The following CHCHD3 variants were observed in gnomAD, a reference collection of about 807,000 sequenced individuals.
The protein encoded by CHCHD3 is MICOS complex subunit MIC19.
A neutral mutation model predicts 38.2 loss-of-function variants in CHCHD3; 20 were observed. That is an observed-to-expected ratio of 0.52 (90% CI 0.37 to 0.76). The LOEUF (loss-of-function observed/expected upper bound fraction) is 0.76, where lower values mean the gene tolerates loss of function less well. Among genes scored for constraint, CHCHD3 ranks in the 30% least tolerant of loss-of-function variants. CHCHD3 has a pLI of 0.00. For synonymous variants in CHCHD3, 82 were observed against 100.0 expected (o/e 0.82, Z 1.07); for missense variants, 245 against 279.2 (o/e 0.88, Z 0.87).
At chr7:133,072,675 TA>T (rs1454118822) in intron 1 of CHCHD3, among the ~76,000 whole-genome samples, 24 of 151,788 alleles carry the variant, frequency 1.6e-4, no homozygotes, top group Non-Finnish European at 2.8e-4. Context: ...CCATCTCTAC[TA>T]AAAATACAAA....
intron 4 of CHCHD3, among the ~76,000 whole-genome samples, chr7:132,917,716 G>A (rs1395290819): frequency 1.3e-5 from 2 of 151,888 alleles, no homozygotes; most frequent in Non-Finnish European, 1.5e-5. Flanking sequence ...AAAATTAGCC[G>A]GGTGTGTTGG....
intron 2 of CHCHD3, among the ~76,000 whole-genome samples, chr7:133,059,370 C>A (rs1418062367): frequency 6.6e-6 from 1 of 152,096 alleles, no homozygotes; most frequent in African/African-American, 2.4e-5. Flanking sequence ...GCCTAAAATT[C>A]CAGGGGACAA....
At chr7:132,996,858 A>G (rs1324243911) in intron 3 of CHCHD3, among the ~76,000 whole-genome samples, 5 of 152,248 alleles carry the variant, frequency 3.3e-5, no homozygotes, top group Non-Finnish European at 7.3e-5. Context: ...AGGGACTGCA[A>G]GATTAACTAT....
In CHCHD3 at chr7:132,931,232, AATT is replaced by A. The variant is rs527577149; in HGVS notation, c.369+43934_369+43936del. Among the ~76,000 whole-genome samples the A allele has an allele frequency of 2.6e-3, 403 of 152,284 alleles. 4 individuals are homozygous for A. The highest frequency in any genetic ancestry group is 9.2e-3 in the African/African-American group (384 of 41,560). ...CCCTCATCAATAAATGTTAAATAATAATTATTAACTTTGGATTTTTCTAAGGAC... is the reference window on the plus strand; with the variant it reads ...CCCTCATCAATAAATGTTAAATAATAATTAACTTTGGATTTTTCTAAGGAC... On this transcript the variant is annotated intron_variant, in intron 4 of 7. Coordinates refer to ENST00000262570, the MANE Select transcript of CHCHD3 (RefSeq NM_017812.4).
chr7:132,822,614 A>G (rs999438461), intron 6 of CHCHD3, among the ~76,000 whole-genome samples: 1 of 152,096 alleles, frequency 6.6e-6, no homozygotes, highest in Non-Finnish European at 1.5e-5. Context: ...TTAACAACCC[A>G]TGAGGTATTA....
chr7:133,017,585 G>GTTCC (rs1157947455), intron 3 of CHCHD3, among the ~76,000 whole-genome samples: 3 of 152,120 alleles, frequency 2.0e-5, no homozygotes, highest in African/African-American at 7.2e-5. Flanking sequence ...AGAAAACACT[G>GTTCC]TAATTACTGT....
At chr7:133,015,735 C>T (rs1461086541) in intron 3 of CHCHD3, among the ~76,000 whole-genome samples, 2 of 152,088 alleles carry the variant, frequency 1.3e-5, no homozygotes, top group Non-Finnish European at 2.9e-5. Flanking sequence ...ATAGATATGA[C>T]CTTGGTGTAT....
chr7:133,081,841 GT>G lies in CHCHD3; in HGVS notation c.81+15del. On this transcript the variant is annotated intron_variant, in intron 1 of 7. Transcript: ENST00000262570. Reference sequence around the variant, plus strand: ...GAGTCCAACCACTGGCCCTCCGCCCGTCCACGGGCACTCACCCGGATGCCCT... The same window carrying G: ...GAGTCCAACCACTGGCCCTCCGCCCGCCACGGGCACTCACCCGGATGCCCT... 6.4e-7 allele frequency: 1 copy of G among 1,552,046 alleles called. No individual in the cohort carries two copies. The highest frequency in any genetic ancestry group is 2.0e-5 in the Admixed American group (1 of 51,118).
At chr7:132,975,077 C>T in intron 4 of CHCHD3, 92 bp downstream of exon 4, 1 of 952,028 alleles carries the variant, frequency 1.1e-6, no homozygotes, top group South Asian at 1.4e-5. Context: ...ATATTATCAA[C>T]ACTAAAAGCT....
At chr7:132,903,531 T>G (rs1166238653) in intron 4 of CHCHD3, among the ~76,000 whole-genome samples, 5 of 152,134 alleles carry the variant, frequency 3.3e-5, no homozygotes, top group African/African-American at 1.2e-4. Flanking sequence ...AACACAGAAT[T>G]TCTGACTCTT....
At chr7:132,914,150 GT>G (rs1810041486) in intron 4 of CHCHD3, among the ~76,000 whole-genome samples, 1 of 151,032 alleles carries the variant, frequency 6.6e-6, no homozygotes, top group Admixed American at 6.6e-5. Flanking sequence ...GTGTGTGTGT[GT>G]GTGTGTGTGT....
intron 6 of CHCHD3, among the ~76,000 whole-genome samples, chr7:132,810,602 T>C (rs1158928500): frequency 2.6e-5 from 4 of 152,196 alleles, no homozygotes; most frequent in Non-Finnish European, 5.9e-5. Context: ...CAAATGATTA[T>C]GATGAGTCTC....
intron 3 of CHCHD3, among the ~76,000 whole-genome samples, chr7:133,018,875 C>CTTTTTTTTTT (rs5887607): frequency 1.1e-4 from 8 of 70,162 alleles, no homozygotes; most frequent in Non-Finnish European, 1.7e-4. Flanking sequence ...CATGATTTCT[C>CTTTTTTTTTT]TTTTTTTTTT....
chr7:133,014,037 T>C (rs559280840), intron 3 of CHCHD3, among the ~76,000 whole-genome samples: 1 of 152,288 alleles, frequency 6.6e-6, no homozygotes, highest in African/African-American at 2.4e-5. Flanking sequence ...CATTAGTGGT[T>C]TCAGTTGACT....
chr7:132,949,694 C>G (rs527605109), intron 4 of CHCHD3, among the ~76,000 whole-genome samples: 1 of 152,150 alleles, frequency 6.6e-6, no homozygotes, highest in East Asian at 1.9e-4. Flanking sequence ...AACCAATATT[C>G]AGACCCTAAA....
At chr7:133,014,329 CA>C (rs35895641) in intron 3 of CHCHD3, among the ~76,000 whole-genome samples, 4,842 of 121,416 alleles carry the variant, frequency 0.04, 235 homozygotes, top group African/African-American at 0.13. Context: ...GGGGATAACT[CA>C]AAAAAAAAAA....
intron 4 of CHCHD3, among the ~76,000 whole-genome samples, chr7:132,943,479 A>T (rs2117274458): frequency 6.6e-6 from 1 of 152,280 alleles, no homozygotes; most frequent in South Asian, 2.1e-4. Flanking sequence ...AGAATAGATA[A>T]ATTACTTATT....
At chr7:132,967,991 T>G (rs561618387) in intron 4 of CHCHD3, among the ~76,000 whole-genome samples, 3 of 152,354 alleles carry the variant, frequency 2.0e-5, no homozygotes, top group Non-Finnish European at 4.4e-5. Flanking sequence ...GATCTTAACA[T>G]GCAGCCTAGG....
intron 6 of CHCHD3, among the ~76,000 whole-genome samples, chr7:132,828,591 T>C (rs186414319): frequency 6.6e-6 from 1 of 152,322 alleles, no homozygotes; most frequent in East Asian, 1.9e-4. Flanking sequence ...TTGGTAATTA[T>C]ACATTCAAAT....
Sources: gnomAD v4.1 joint callset for allele counts (sites outside exome capture counted in the v4.1 genomes callset) on GRCh38, gnomAD v4.1.1 for gene constraint, MANE v1.5 for transcripts, NCBI Gene and HGNC (gene_info 2026-07-23, HGNC 2026-07-21) for gene names.